The following PPM1E variants were observed in gnomAD, a reference collection of about 807,000 sequenced individuals.
PPM1E encodes protein phosphatase 1E.
In PPM1E, 20 loss-of-function variants were observed where a neutral mutation model predicts 65.9. The ratio of observed to expected loss-of-function variants is 0.30; its 90% CI spans 0.21 to 0.44. PPM1E has a LOEUF of 0.44. Ranked by LOEUF, PPM1E falls within the 20% of genes least tolerant of loss-of-function variation. The probability of loss-of-function intolerance (pLI) is 1.00; values close to 1 mark genes in which losing one functional copy is unlikely to be tolerated. For synonymous variants in PPM1E, 352 were observed against 374.9 expected, an observed-to-expected ratio of 0.94 and a Z score of 0.70; for missense variants, 713 against 953.1, an observed-to-expected ratio of 0.75 and a Z score of 3.32.
Position 58,972,821 on chromosome 17 carries a change from T to C in PPM1E, c.1117-11T>C. 6.2e-7 allele frequency: 1 copy of C among 1,607,444 alleles called. No homozygotes were observed. Among genetic ancestry groups the C allele is most frequent in the Non-Finnish European group, 8.5e-7 (1 of 1,174,146 alleles). ...CAGTTATTTGCTTCTTTTTATTGCATTGCTGTTTAGGATGAAAAGCAGAGA... is the reference window on the plus strand; with the variant it reads ...CAGTTATTTGCTTCTTTTTATTGCACTGCTGTTTAGGATGAAAAGCAGAGA... On this transcript the variant is annotated splice_polypyrimidine_tract_variant and intron_variant, in intron 5 of 6. Transcript: ENST00000308249.
intron 1 of PPM1E, among the ~76,000 whole-genome samples, chr17:58,850,910 A>G: frequency 6.6e-6 from 1 of 152,212 alleles, no homozygotes; most frequent in East Asian, 1.9e-4. Flanking sequence ...ACTTTCAGGT[A>G]CACCAGTCAG....
chr17:58,756,341 C>T lies in PPM1E; in HGVS notation c.344C>T (p.Pro115Leu), dbSNP rs2049763764. Residue 115 changes from proline to leucine, a missense_variant, in exon 1 of 7, where the codon CCG becomes CTG. By Grantham distance (98) the Pro-to-Leu change is moderately conservative. This residue lies in a region of PPM1E where 212 missense variants were observed against 204.0 expected (regional missense o/e 1.04). Coordinates refer to ENST00000308249, the MANE Select transcript of PPM1E (RefSeq NM_014906.5). ...AAAAPGHSAV[P>L]PPPPQLPPLP... ...GCAGCCCCGGGGCACTCGGCCGTGC[C>T]GCCGCCGCCGCCCCAGCTGCCGCCT... The T allele has an allele frequency of 7.3e-7, 1 of 1,372,120 alleles. No homozygotes were observed. Among genetic ancestry groups the T allele is most frequent in the Non-Finnish European group, 9.4e-7 (1 of 1,065,782 alleles). The allele number at this position is 1,372,120 out of a possible 1,614,324, so 85.0% of individuals were successfully genotyped here.
intron 1 of PPM1E, among the ~76,000 whole-genome samples, chr17:58,847,829 G>A (rs1567852417): frequency 1.3e-5 from 2 of 152,068 alleles, no homozygotes; most frequent in African/African-American, 2.4e-5. Flanking sequence ...TAGTTTAATG[G>A]GGATGGCATT....
intron 1 of PPM1E, among the ~76,000 whole-genome samples, chr17:58,862,546 A>G (rs1017936869): frequency 6.6e-6 from 1 of 152,216 alleles, no homozygotes; most frequent in Non-Finnish European, 1.5e-5. Flanking sequence ...ACTAGAATAT[A>G]CTTGTATCCT....
rs190487220 is a variant in PPM1E, at chr17:58,984,791, T to C, written c.*3760T>C. 32 of 152,604 alleles carry C rather than the reference T, an allele frequency of 2.1e-4. No individual in the cohort carries two copies. The highest frequency in any genetic ancestry group is 4.4e-5 in the Non-Finnish European group (3 of 68,038). 9.5% of individuals were successfully genotyped at this position (152,604 alleles called of 1,614,324 possible). On this transcript the variant is annotated 3_prime_UTR_variant, in exon 7 of 7. Coordinates refer to ENST00000308249, the MANE Select transcript of PPM1E (RefSeq NM_014906.5). ...GCATTTTATCTTCTATTTTGAAGAC[T>C]ATTTATTGTAATAATTAGAAAACAT...
intron 1 of PPM1E, among the ~76,000 whole-genome samples, chr17:58,894,952 CAGATTCAAGG>C (rs886601916): frequency 6.6e-6 from 1 of 152,132 alleles, no homozygotes; most frequent in African/African-American, 2.4e-5. Flanking sequence ...CATTTTTTCA[CAGATTCAAGG>C]TCTGTGGCAA....
intron 1 of PPM1E, among the ~76,000 whole-genome samples, chr17:58,774,002 A>G (rs1004556931): frequency 6.6e-6 from 1 of 152,070 alleles, no homozygotes; most frequent in Non-Finnish European, 1.5e-5. Context: ...TCTCTACTAA[A>G]AATACAAAAA....
At chr17:58,823,161 GACAACGTATAAAA>G (rs2050497649) in intron 1 of PPM1E, among the ~76,000 whole-genome samples, 1 of 152,058 alleles carries the variant, frequency 6.6e-6, no homozygotes, top group Non-Finnish European at 1.5e-5. Flanking sequence ...AAACTATAAA[GACAACGTATAAAA>G]ATGAGGTTTT....
intron 1 of PPM1E, among the ~76,000 whole-genome samples, chr17:58,911,159 C>T (rs778259704): frequency 4.6e-5 from 7 of 152,166 alleles, no homozygotes; most frequent in Non-Finnish European, 8.8e-5. Flanking sequence ...TTATAATTCT[C>T]TGTATACACC....
intron 1 of PPM1E, among the ~76,000 whole-genome samples, chr17:58,783,784 T>G: frequency 6.6e-6 from 1 of 152,074 alleles, no homozygotes; most frequent in South Asian, 2.1e-4. Flanking sequence ...CTCGGCCCAC[T>G]GCAACCTCCT....
chr17:58,765,115 A>G (rs1280890243), intron 1 of PPM1E, among the ~76,000 whole-genome samples: 3 of 151,062 alleles, frequency 2.0e-5, no homozygotes, highest in African/African-American at 7.3e-5. Flanking sequence ...AGCTATAGAA[A>G]CGTTTGCAAT....
intron 1 of PPM1E, among the ~76,000 whole-genome samples, chr17:58,896,873 G>A (rs2051424865): frequency 1.3e-5 from 2 of 152,286 alleles, no homozygotes; most frequent in Admixed American, 6.5e-5. Context: ...TGGCTTCAAA[G>A]CTTCAAAGGA....
chr17:58,839,436 A>G (rs987213355), intron 1 of PPM1E, among the ~76,000 whole-genome samples: 1 of 152,126 alleles, frequency 6.6e-6, no homozygotes, highest in East Asian at 1.9e-4. Context: ...ATATGAAACA[A>G]CCTCACCGAA....
At chr17:58,906,474 G>A (rs1269654283) in intron 1 of PPM1E, among the ~76,000 whole-genome samples, 1 of 152,066 alleles carries the variant, frequency 6.6e-6, no homozygotes, top group Non-Finnish European at 1.5e-5. Flanking sequence ...GAGTACCTGG[G>A]ACTACAGGCG....
intron 1 of PPM1E, among the ~76,000 whole-genome samples, chr17:58,809,599 G>GTGATT (rs1369977576): frequency 6.6e-6 from 1 of 152,000 alleles, no homozygotes; most frequent in Non-Finnish European, 1.5e-5. Context: ...TCCCAGACTG[G>GTGATT]TCTCAAACTC....
intron 1 of PPM1E, among the ~76,000 whole-genome samples, chr17:58,813,310 C>T (rs999263714): frequency 6.6e-6 from 1 of 152,092 alleles, no homozygotes; most frequent in Non-Finnish European, 1.5e-5. Flanking sequence ...TTATGAAAAC[C>T]TCATACCTTG....
intron 1 of PPM1E, among the ~76,000 whole-genome samples, chr17:58,903,602 T>C (rs1567870188): frequency 4.6e-5 from 7 of 152,174 alleles, no homozygotes; most frequent in Admixed American, 3.9e-4. Flanking sequence ...AAAATTAAAA[T>C]CTTATATTGT....
intron 1 of PPM1E, among the ~76,000 whole-genome samples, chr17:58,910,495 C>T (rs566467104): frequency 6.6e-5 from 10 of 152,232 alleles, no homozygotes; most frequent in Admixed American, 2.0e-4. Context: ...ATATCTAGTT[C>T]TGATACTTGT....
intron 1 of PPM1E, among the ~76,000 whole-genome samples, chr17:58,891,257 G>C (rs184503360): frequency 6.6e-6 from 1 of 151,652 alleles, no homozygotes; most frequent in Admixed American, 6.6e-5. Flanking sequence ...TGAGCCACTC[G>C]CACCTGGTGA....
Sources: gnomAD v4.1 joint callset for allele counts (sites outside exome capture counted in the v4.1 genomes callset) on GRCh38, gnomAD v4.1.1 for gene constraint, gnomAD v4.1.1 regional missense constraint, MANE v1.5 for transcripts, NCBI Gene and HGNC (gene_info 2026-07-23, HGNC 2026-07-21) for gene names.